The following DTWD2 variants were observed in gnomAD, a reference collection of about 807,000 sequenced individuals.
DTWD2 encodes tRNA-uridine aminocarboxypropyltransferase 2.
In DTWD2, 39 loss-of-function variants were observed where a neutral mutation model predicts 31.8. That is an observed-to-expected ratio of 1.22 (90% confidence interval 0.95 to 1.60). The LOEUF is 1.60. Ranked by LOEUF, DTWD2 falls within the 40% of genes most tolerant of loss-of-function variation. The pLI, the probability that DTWD2 is intolerant of heterozygous loss-of-function variation, is 0.00. For synonymous variants in DTWD2, 180 were observed against 142.8 expected, an observed-to-expected ratio of 1.26 and a Z score of -1.86; for missense variants, 515 against 381.5, an observed-to-expected ratio of 1.35 and a Z score of -2.92.
chr5:118,973,891 C>T lies in DTWD2; in HGVS notation c.218+14403G>A, dbSNP rs1269387519. On this transcript the variant is annotated intron_variant, in intron 1 of 5. Transcript: ENST00000510708. The stretch of plus-strand genomic sequence containing the variant: ...TGGAAGAGGCAGAAAATGGAAGAGA[C>T]GCCCCTGCTAACGGGAATGCTAATG... 8.7e-6 allele frequency: 14 copies of T among 1,609,322 alleles called. 1 individual carries two copies. Among genetic ancestry groups the T allele is most frequent in the South Asian group, 2.2e-5 (2 of 90,914 alleles).
rs570367407 is a variant in DTWD2, at chr5:118,954,035, C to T, written c.219-9386G>A. On this transcript the variant is annotated intron_variant, in intron 1 of 5. Coordinates refer to ENST00000510708, the MANE Select transcript of DTWD2 (RefSeq NM_173666.4). The stretch of plus-strand genomic sequence containing the variant: ...CCTGTAATCTCAGAATTTTGGGAAG[C>T]TGAGGAGAAAGGATCACTTGAGCAC... Among the ~76,000 whole-genome samples the T allele has an allele frequency of 3.2e-3, 490 of 152,258 alleles. 2 individuals carry two copies. Among genetic ancestry groups the T allele is most frequent in the African/African-American group, 0.012 (479 of 41,550 alleles).
intron 1 of DTWD2, among the ~76,000 whole-genome samples, chr5:118,953,367 T>G (rs1754509000): frequency 6.6e-6 from 1 of 152,238 alleles, no homozygotes; most frequent in Non-Finnish European, 1.5e-5. Context: ...TTGATGAACT[T>G]TTGTGAGAAG....
chr5:118,951,777 G>A (rs1179241821), intron 1 of DTWD2, among the ~76,000 whole-genome samples: 1 of 152,162 alleles, frequency 6.6e-6, no homozygotes. Flanking sequence ...GAGAGAAGGG[G>A]TGGGAGGGTA....
intron 1 of DTWD2, among the ~76,000 whole-genome samples, chr5:118,951,284 C>T (rs1754459434): frequency 2.0e-5 from 3 of 151,972 alleles, no homozygotes; most frequent in Non-Finnish European, 4.4e-5. Context: ...GGACCTGGCT[C>T]GGCCTGGCAA....
At chr5:118,987,247 T>C (rs552339226) in intron 1 of DTWD2, among the ~76,000 whole-genome samples, 45 of 152,332 alleles carry the variant, frequency 3.0e-4, no homozygotes, top group African/African-American at 1.1e-3. Flanking sequence ...CAGTCCCTTC[T>C]AATCACAAAT....
At chr5:118,942,756 G>C (rs1047478761) in intron 2 of DTWD2, among the ~76,000 whole-genome samples, 2 of 151,924 alleles carry the variant, frequency 1.3e-5, no homozygotes, top group Non-Finnish European at 2.9e-5. Flanking sequence ...ACCATACTGT[G>C]TATACTGCAA....
At chr5:118,930,160 T>G (rs1405191608) in intron 3 of DTWD2, among the ~76,000 whole-genome samples, 6 of 152,188 alleles carry the variant, frequency 3.9e-5, no homozygotes, top group Non-Finnish European at 8.8e-5. Context: ...GTCAGATGAT[T>G]TTCAGCAGAC....
chr5:118,980,466 G>A (rs904920506), intron 1 of DTWD2, among the ~76,000 whole-genome samples: 2 of 152,194 alleles, frequency 1.3e-5, no homozygotes, highest in African/African-American at 2.4e-5. Flanking sequence ...AACTGTGACA[G>A]GCTAACTTGT....
At chr5:118,965,577 A>G (rs974451615) in intron 1 of DTWD2, among the ~76,000 whole-genome samples, 2 of 152,218 alleles carry the variant, frequency 1.3e-5, no homozygotes, top group Non-Finnish European at 2.9e-5. Flanking sequence ...GTTCTGTACT[A>G]AGAAAAATTC....
intron 4 of DTWD2, among the ~76,000 whole-genome samples, chr5:118,853,401 T>C (rs1028033071): frequency 3.9e-5 from 6 of 152,148 alleles, no homozygotes; most frequent in Admixed American, 1.3e-4. Flanking sequence ...TTACTGGCTA[T>C]ACACACAAAG....
At chr5:118,943,204 T>A (rs1754245744) in intron 2 of DTWD2, among the ~76,000 whole-genome samples, 1 of 152,236 alleles carries the variant, frequency 6.6e-6, no homozygotes, top group African/African-American at 2.4e-5. Flanking sequence ...AGTAAAATAC[T>A]GCTAGTGACC....
intron 4 of DTWD2, among the ~76,000 whole-genome samples, chr5:118,852,801 C>A: frequency 6.6e-6 from 1 of 151,926 alleles, no homozygotes; most frequent in Non-Finnish European, 1.5e-5. Flanking sequence ...GCACTATTCA[C>A]AATAGCAAAG....
chr5:118,845,277 A>T (rs533473365), intron 5 of DTWD2, among the ~76,000 whole-genome samples: 1 of 152,354 alleles, frequency 6.6e-6, no homozygotes, highest in Non-Finnish European at 1.5e-5. Context: ...ATAAAAGGTT[A>T]TTGGGAAAAA....
At chr5:118,973,423 T>C (rs1200156689) in intron 1 of DTWD2, among the ~76,000 whole-genome samples, 1 of 152,242 alleles carries the variant, frequency 6.6e-6, no homozygotes, top group Non-Finnish European at 1.5e-5. Flanking sequence ...TAGTGCTTCC[T>C]TGAGGAGCTC....
Position 118,839,287 on chromosome 5 carries a change from GTTTCT to G in DTWD2, c.*1625_*1629del, listed in dbSNP as rs1222790903. 1 of 152,002 alleles carries G rather than the reference GTTTCT, an allele frequency of 6.6e-6. No individual in the cohort carries two copies. The highest frequency in any genetic ancestry group is 2.4e-5 in the African/African-American group (1 of 41,374). 9.4% of individuals were successfully genotyped at this position (152,002 alleles called of 1,614,324 possible). A position where few individuals can be genotyped will look rare whatever the true frequency, so the allele number is the denominator to read the frequency against. On this transcript the variant is annotated 3_prime_UTR_variant, in exon 6 of 6. Coordinates refer to ENST00000510708, the MANE Select transcript of DTWD2 (RefSeq NM_173666.4). ...AAACTATTATACATTATTATATGCT[GTTTCT>G]TTTCTAGTACACCAAATAATCATTT... is the stretch of plus-strand genomic sequence containing the variant.
rs1751636486 is a variant in DTWD2 at position 118,838,813 on chromosome 5, TA to T, written c.*2103del. 1.3e-5 allele frequency: 2 copies of T among 152,154 alleles called. No homozygotes were observed. The highest frequency in any genetic ancestry group is 4.1e-4 in the South Asian group (2 of 4,830). 9.4% of individuals were successfully genotyped at this position (152,154 alleles called of 1,614,324 possible). A position where few individuals can be genotyped will look rare whatever the true frequency, so the allele number is the denominator to read the frequency against. ...AAAAGATAAAAGTAGAAATTACTCT[TA>T]AAAATCAATAAAGTAAAATTTTGAG... is the stretch of plus-strand genomic sequence containing the variant. On this transcript the variant is annotated 3_prime_UTR_variant, in exon 6 of 6. Transcript: ENST00000510708.
At chr5:118,946,713 A>C (rs1364525004) in intron 1 of DTWD2, among the ~76,000 whole-genome samples, 3 of 152,084 alleles carry the variant, frequency 2.0e-5, no homozygotes, top group African/African-American at 7.2e-5. Flanking sequence ...AAAAGCTGTA[A>C]GTCTACAAAC....
rs555217488 is a variant in DTWD2 at position 118,838,471 on chromosome 5, A to C, written c.*2446T>G. The C allele has an allele frequency of 2.0e-4, 31 of 152,342 alleles. No homozygotes were observed. Among genetic ancestry groups the C allele is most frequent in the African/African-American group, 7.0e-4 (29 of 41,580 alleles). The allele number at this position is 152,342 out of a possible 1,614,324, so 9.4% of individuals were successfully genotyped here. ...AAAAGTAATTTTTAAAAGCCTGATT[A>C]ATTTTTCAATTAAAATACTCAGATA... On this transcript the variant is annotated 3_prime_UTR_variant, in exon 6 of 6. Transcript: ENST00000510708.
chr5:118,938,868 AC>A (rs1754113021), intron 3 of DTWD2, among the ~76,000 whole-genome samples: 1 of 150,690 alleles, frequency 6.6e-6, no homozygotes, highest in Admixed American at 6.6e-5. Context: ...AAAGAACCCT[AC>A]CATCTACCAA....
Sources: allele counts gnomAD v4.1 joint callset (sites outside exome capture counted in the v4.1 genomes callset), GRCh38; gene constraint gnomAD v4.1.1; transcripts MANE v1.5; gene names NCBI Gene and HGNC (gene_info 2026-07-23, HGNC 2026-07-21).